STC2: variants seen among roughly 807,000 people sequenced by gnomAD.
STC2 encodes the protein stanniocalcin-2.
Under a neutral mutation model 22.7 loss-of-function variants are expected in STC2, and 7 were observed. That is an observed-to-expected ratio of 0.31 (90% confidence interval 0.18 to 0.58). The LOEUF is 0.58. STC2 is among the 20% of genes least tolerant of loss of function. The pLI is 0.89. For missense variants in STC2, 336 were observed against 406.2 expected (o/e 0.83, Z 1.48); for synonymous variants, 158 against 163.4 (o/e 0.97, Z 0.25).
chr5:173,320,534 G>A (rs145000311), intron 3 of STC2, among the ~76,000 whole-genome samples: 191 of 152,300 alleles, frequency 1.3e-3, no homozygotes, highest in Middle Eastern at 6.8e-3. Context: ...TACTTGGAGG[G>A]GGATGTGCCT....
At position 173,323,783 on chromosome 5, in the gene STC2, G is replaced by A. The variant is rs549872562; in HGVS notation, c.295-353C>T. On this transcript the variant is annotated intron_variant, in intron 2 of 3. Coordinates refer to ENST00000265087, the MANE Select transcript of STC2 (RefSeq NM_003714.3). This position sits in a 1 kb window ranked among gnomAD's most constrained non-coding sequence, Gnocchi z 5.4. Reference sequence around the variant, plus strand: ...TTGGTTGTGTGGTGGCAACTTTTCTGGAACACAAAGGGAATTTGGCCAGAC... The same window carrying A: ...TTGGTTGTGTGGTGGCAACTTTTCTAGAACACAAAGGGAATTTGGCCAGAC... Among the ~76,000 whole-genome samples the A allele has an allele frequency of 6.6e-6, 1 of 152,188 alleles. No individual in the cohort carries two copies. The highest frequency in any genetic ancestry group is 2.4e-5 in the African/African-American group (1 of 41,494).
Position 173,328,168 on chromosome 5 carries a change from A to C in STC2, c.26T>G (p.Phe9Cys), listed in dbSNP as rs1431828027. 6.3e-7 allele frequency: 1 copy of C among 1,584,230 alleles called. No homozygotes were observed. Among genetic ancestry groups the C allele is most frequent in the Admixed American group, 1.8e-5 (1 of 56,264 alleles). Residue 9 changes from phenylalanine to cysteine, a missense_variant, in exon 1 of 4, where the codon TTC (phenylalanine) becomes TGC (cysteine). By Grantham distance (205) the Phe-to-Cys change is radical. Transcript: ENST00000265087. The stretch of plus-strand genomic sequence containing the variant: ...GGCCAACACCAAAGCCAGGGTCATG[A>C]ACTGGCCCAGCCGCTCGGCACACAT... MCAERLGQFMTLALVLATF... is the reference protein window; with the variant it reads MCAERLGQCMTLALVLATF...
rs1285216743 is a variant in STC2, at chr5:173,318,010, G to A, written c.746C>T (p.Pro249Leu). Reference protein sequence around the residue: ...HGEAGHHLPEPSSRETGRGAK... With the variant: ...HGEAGHHLPELSSRETGRGAK... The stretch of plus-strand genomic sequence containing the variant: ...ACCTCGGCCAGTCTCCCTACTGCTG[G>A]GCTCTGGGAGGTGATGTCCTGCTTC... Residue 249 changes from proline (P) to leucine (L), a missense_variant, in exon 4 of 4, where the codon CCC becomes CTC. Pro to Leu is a moderately conservative substitution (Grantham distance 98). Around this residue, in one of 3 missense-constraint regions of STC2, gnomAD observed 215 missense variants for 231.5 expected, o/e 0.93. Transcript: ENST00000265087. 3.1e-6 allele frequency: 5 copies of A among 1,612,832 alleles called. No individual in the cohort carries two copies. The highest frequency in any genetic ancestry group is 4.2e-6 in the Non-Finnish European group (5 of 1,179,776).
Position 173,317,613 on chromosome 5 carries a change from C to T in STC2, c.*234G>A, listed in dbSNP as rs527881531. 7.3e-5 allele frequency: 30 copies of T among 408,418 alleles called. No homozygotes were observed. Among genetic ancestry groups the T allele is most frequent in the African/African-American group, 5.0e-4 (25 of 49,530 alleles). The allele number at this position is 408,418 out of a possible 1,614,324, so 25.3% of individuals were successfully genotyped here. A position where few individuals can be genotyped will look rare whatever the true frequency, so the allele number is the denominator to read the frequency against. On this transcript the variant is annotated 3_prime_UTR_variant, in exon 4 of 4. Coordinates refer to ENST00000265087, the MANE Select transcript of STC2 (RefSeq NM_003714.3). ...CAAAGGTACGAGGATAACGCGGGCG[C>T]GCTCCCTTGAGTACGTGTAAGTGCA...
chr5:173,322,842 T>C, intron 3 of STC2: 1 of 250,972 alleles, frequency 4.0e-6, no homozygotes, highest in Admixed American at 4.9e-5. Flanking sequence ...TTAGTAAATA[T>C]TCAACAAATG....
Position 173,321,855 on chromosome 5 carries a change from T to C in STC2, c.506+1364A>G, listed in dbSNP as rs138879755. Among the ~76,000 whole-genome samples the C allele has an allele frequency of 1.4e-4, 21 of 152,380 alleles. No homozygotes were observed. The East Asian group carries it at 4.0e-3, about 29-fold the overall frequency. ...AGACAGCTATCATTGTTGTTGATGA[T>C]GCTGTGGCTGCTATTGTTCCCTTAA... On this transcript the variant is annotated intron_variant, in intron 3 of 3. Coordinates refer to ENST00000265087, the MANE Select transcript of STC2 (RefSeq NM_003714.3).
In STC2 at chr5:173,325,764, C is replaced by A; in HGVS notation, c.294+104G>T. 1 of 1,532,070 alleles carries A rather than the reference C, an allele frequency of 6.5e-7. No homozygotes were observed. 94.9% of individuals were successfully genotyped at this position (1,532,070 alleles called of 1,614,324 possible). ...TGTCGCTTGCAAGCACTAAAACACACCACAAGGAACAGCAAAGGAAGTTGG... is the reference window on the plus strand; with the variant it reads ...TGTCGCTTGCAAGCACTAAAACACAACACAAGGAACAGCAAAGGAAGTTGG... On this transcript the variant is annotated intron_variant, in intron 2 of 3. Coordinates refer to ENST00000265087, the MANE Select transcript of STC2 (RefSeq NM_003714.3). This position sits in a 1 kb window ranked among gnomAD's most constrained non-coding sequence, Gnocchi z 4.7.
At position 173,325,757 on chromosome 5, in the gene STC2, A is replaced by T. The variant is rs968536333; in HGVS notation, c.294+111T>A. 1 of 1,502,180 alleles carries T rather than the reference A, an allele frequency of 6.7e-7. No individual in the cohort carries two copies. Among genetic ancestry groups the T allele is most frequent in the Non-Finnish European group, 9.1e-7 (1 of 1,095,238 alleles). 93.1% of individuals were successfully genotyped at this position (1,502,180 alleles called of 1,614,324 possible). A position where few individuals can be genotyped will look rare whatever the true frequency, so the allele number is the denominator to read the frequency against. Reference sequence around the variant, plus strand: ...CCTAGACTGTCGCTTGCAAGCACTAAAACACACCACAAGGAACAGCAAAGG... The same window carrying T: ...CCTAGACTGTCGCTTGCAAGCACTATAACACACCACAAGGAACAGCAAAGG... On this transcript the variant is annotated intron_variant, in intron 2 of 3. Coordinates refer to ENST00000265087, the MANE Select transcript of STC2 (RefSeq NM_003714.3). This position sits in a 1 kb window ranked among gnomAD's most constrained non-coding sequence, Gnocchi z 4.7.
chr5:173,323,076 A>G lies in STC2; in HGVS notation c.506+143T>C. 1 of 742,358 alleles carries G rather than the reference A, an allele frequency of 1.3e-6. No homozygotes were observed. Among genetic ancestry groups the G allele is most frequent in the East Asian group, 2.7e-5 (1 of 36,774 alleles). 46.0% of individuals were successfully genotyped at this position (742,358 alleles called of 1,614,324 possible). A position where few individuals can be genotyped will look rare whatever the true frequency, so the allele number is the denominator to read the frequency against. On this transcript the variant is annotated intron_variant, in intron 3 of 3. Transcript: ENST00000265087. The surrounding 1 kb of genome is among the most constrained non-coding windows in gnomAD (Gnocchi z 5.4). ...AGGAAAGGGGCCTTTTAGTAGAGTC[A>G]GTGTAGCTTTCTGAAGTAAATGGAA...
chr5:173,326,218 T>C (rs984784775), intron 1 of STC2, among the ~76,000 whole-genome samples: 2 of 152,216 alleles, frequency 1.3e-5, no homozygotes, highest in African/African-American at 4.8e-5. Context: ...TTTGTAAATA[T>C]TTGTAGAAAA....
rs146441603 is a variant in STC2, at chr5:173,325,904, C to A, written c.258G>T (p.Met86Ile). The A allele has an allele frequency of 1.0e-3, 1,625 of 1,614,190 alleles. 3 individuals are homozygous for A. The highest frequency in any genetic ancestry group is 1.2e-3 in the Non-Finnish European group (1,413 of 1,180,042). ...CEIRGLHGICMTFLHNAGKFD... is the reference protein window; with the variant it reads ...CEIRGLHGICITFLHNAGKFD... ...ATTTTCCAGCGTTGTGCAGAAAAGTCATGCAAATCCCATGTAAGCCCCGAA... is the reference window on the plus strand; with the variant it reads ...ATTTTCCAGCGTTGTGCAGAAAAGTAATGCAAATCCCATGTAAGCCCCGAA... Residue 86 changes from methionine to isoleucine, a missense_variant, in exon 2 of 4, where the codon ATG (methionine) becomes ATT (isoleucine). Around this residue, in one of 3 missense-constraint regions of STC2, gnomAD observed 99 missense variants for 122.7 expected, o/e 0.81. Transcript: ENST00000265087. This position sits in a 1 kb window ranked among gnomAD's most constrained non-coding sequence, Gnocchi z 4.7.
At position 173,317,040 on chromosome 5, in the gene STC2, G is replaced by A. The variant is rs1762429598; in HGVS notation, c.*807C>T. The A allele has an allele frequency of 6.6e-6, 1 of 151,324 alleles. No homozygotes were observed. The highest frequency in any genetic ancestry group is 1.5e-5 in the Non-Finnish European group (1 of 67,854). 9.4% of individuals were successfully genotyped at this position (151,324 alleles called of 1,614,324 possible). A position where few individuals can be genotyped will look rare whatever the true frequency, so the allele number is the denominator to read the frequency against. ...GGTTTTTTTTTTTTAAACCCCCTTT[G>A]AGCTGGTTTTAATGACCCAGTTGCT... On this transcript the variant is annotated 3_prime_UTR_variant, in exon 4 of 4. Transcript: ENST00000265087.
In STC2 at chr5:173,317,672, C is replaced by T. The variant is rs1263906800; in HGVS notation, c.*175G>A. ...CAGGCACCCCTGAGACCCCACGGCC[C>T]CAGGGGTCTCCATCTCACCTGTCCG... On this transcript the variant is annotated 3_prime_UTR_variant, in exon 4 of 4. Transcript: ENST00000265087. 8 of 806,270 alleles carry T rather than the reference C, an allele frequency of 9.9e-6. No individual in the cohort carries two copies. The Admixed American group carries it at 1.2e-4, about 12-fold the overall frequency. The allele number at this position is 806,270 out of a possible 1,614,324, so 49.9% of individuals were successfully genotyped here.
chr5:173,319,042 T>G (rs976054592), intron 3 of STC2, among the ~76,000 whole-genome samples: 8 of 152,154 alleles, frequency 5.3e-5, no homozygotes, highest in African/African-American at 1.9e-4. Context: ...AGTTGAAGGC[T>G]GGCGGTCAGG....
At chr5:173,320,078 T>G (rs1197414680) in intron 3 of STC2, among the ~76,000 whole-genome samples, 1 of 152,164 alleles carries the variant, frequency 6.6e-6, no homozygotes, top group Non-Finnish European at 1.5e-5. Flanking sequence ...AGCAACAGGA[T>G]TTTAGCACCT....
Position 173,323,130 on chromosome 5 carries a change from T to C in STC2, c.506+89A>G, listed in dbSNP as rs1256693602. The C allele has an allele frequency of 2.3e-6, 3 of 1,297,396 alleles. No individual in the cohort carries two copies. The African/African-American group carries it at 4.4e-5, about 19-fold the overall frequency. 80.4% of individuals were successfully genotyped at this position (1,297,396 alleles called of 1,614,324 possible). A position where few individuals can be genotyped will look rare whatever the true frequency, so the allele number is the denominator to read the frequency against. On this transcript the variant is annotated intron_variant, in intron 3 of 3. Coordinates refer to ENST00000265087, the MANE Select transcript of STC2 (RefSeq NM_003714.3). This position sits in a 1 kb window ranked among gnomAD's most constrained non-coding sequence, Gnocchi z 5.4. ...TTCTCCATTTGACAGGCATTCAGCC[T>C]CTAGAAGCAACGCGGCTCTCCTCCC...
chr5:173,314,963 TGTGA>T lies in STC2; in HGVS notation c.*2880_*2883del, dbSNP rs1470348294. On this transcript the variant is annotated 3_prime_UTR_variant, in exon 4 of 4. Coordinates refer to ENST00000265087, the MANE Select transcript of STC2 (RefSeq NM_003714.3). The surrounding 1 kb of genome is among the most constrained non-coding windows in gnomAD (Gnocchi z 4.6). ...GTTCGAGTTTAAATTTCTCCCTTTG[TGTGA>T]GTATGACTATAGTTCTGGCCTGGTG... 2 of 152,212 alleles carry T rather than the reference TGTGA, an allele frequency of 1.3e-5. No homozygotes were observed. The highest frequency in any genetic ancestry group is 1.9e-4 in the East Asian group (1 of 5,190). 9.4% of individuals were successfully genotyped at this position (152,212 alleles called of 1,614,324 possible). A position where few individuals can be genotyped will look rare whatever the true frequency, so the allele number is the denominator to read the frequency against.
At chr5:173,327,471 C>G (rs1202016229) in intron 1 of STC2, among the ~76,000 whole-genome samples, 1 of 152,264 alleles carries the variant, frequency 6.6e-6, no homozygotes, top group Non-Finnish European at 1.5e-5. Flanking sequence ...GCGGCAGCAC[C>G]GCGGAGGTAC....
At position 173,322,609 on chromosome 5, in the gene STC2, AAGCATCTAT is replaced by A. The variant is rs1391055964; in HGVS notation, c.506+601_506+609del. Reference sequence around the variant, plus strand: ...GAAAGGAAAGTTAAGGAGGCAGGAAAAGCATCTATAGCTCTGTTTTCGGGATTTAAGAGT... The same window carrying A: ...GAAAGGAAAGTTAAGGAGGCAGGAAAAGCTCTGTTTTCGGGATTTAAGAGT... On this transcript the variant is annotated intron_variant, in intron 3 of 3. Coordinates refer to ENST00000265087, the MANE Select transcript of STC2 (RefSeq NM_003714.3). Among the ~76,000 whole-genome samples, 15 of 152,326 alleles carry A rather than the reference AAGCATCTAT, an allele frequency of 9.8e-5. No individual in the cohort carries two copies. In the East Asian group the frequency reaches 1.7e-3, roughly 18 times the overall value.
Sources: gnomAD v4.1 joint callset for allele counts (sites outside exome capture counted in the v4.1 genomes callset) on GRCh38, gnomAD v4.1.1 for gene constraint, gnomAD v4.1.1 regional missense constraint, Gnocchi (gnomAD v3.1) non-coding constraint, MANE v1.5 for transcripts, NCBI Gene and HGNC (gene_info 2026-07-23, HGNC 2026-07-21) for gene names.